The following BBX variants were observed in gnomAD, a reference collection of about 807,000 sequenced individuals.
BBX encodes the protein HMG box transcription factor BBX.
Under a neutral mutation model 100.2 loss-of-function variants are expected in BBX, and 30 were observed. The observed-to-expected ratio is 0.30, with a 90% CI of 0.22 to 0.41. The LOEUF (loss-of-function observed/expected upper bound fraction) is 0.41, where lower values mean the gene tolerates loss of function less well. BBX is among the 10% of genes least tolerant of loss of function. BBX has a pLI of 1.00. For synonymous variants in BBX, 376 were observed against 388.1 expected (o/e 0.97, Z 0.37); for missense variants, 1,023 against 1,129.8 (o/e 0.91, Z 1.35).
At chr3:107,648,371 T>G (rs1041495396) in intron 3 of BBX, among the ~76,000 whole-genome samples, 6 of 152,170 alleles carry the variant, frequency 3.9e-5, no homozygotes, top group Admixed American at 3.9e-4. Context: ...GAATAAAAAT[T>G]ACTGCAAACT....
chr3:107,799,711 T>C (rs1038050045), intron 16 of BBX, among the ~76,000 whole-genome samples: 1 of 152,212 alleles, frequency 6.6e-6, no homozygotes, highest in African/African-American at 2.4e-5. Flanking sequence ...CTGAGAATGC[T>C]TCTGGATTTC....
At position 107,808,891 on chromosome 3, in the gene BBX, G is replaced by T. The variant is rs1484405867; in HGVS notation, c.*3434G>T. ...TACCGATGCCATGTCCCAAAGCCAT[G>T]TTAAAATAATTCCCACGTTATCATT... On this transcript the variant is annotated 3_prime_UTR_variant, in exon 18 of 18. Coordinates refer to ENST00000325805, the MANE Select transcript of BBX (RefSeq NM_001142568.3). 6.6e-6 allele frequency: 1 copy of T among 152,208 alleles called. No individual in the cohort carries two copies. Among genetic ancestry groups the T allele is most frequent in the African/African-American group, 2.4e-5 (1 of 41,440 alleles). The allele number at this position is 152,208 out of a possible 1,614,324, so 9.4% of individuals were successfully genotyped here. A position where few individuals can be genotyped will look rare whatever the true frequency, so the allele number is the denominator to read the frequency against.
At position 107,801,360 on chromosome 3, in the gene BBX, CA is replaced by C; in HGVS notation, c.2738+80del. 5 of 1,491,184 alleles carry C rather than the reference CA, an allele frequency of 3.4e-6. No homozygotes were observed. In the Admixed American group the frequency reaches 1.0e-4, roughly 30 times the overall value. The allele number at this position is 1,491,184 out of a possible 1,614,324, so 92.4% of individuals were successfully genotyped here. Reference sequence around the variant, plus strand: ...TTGATGTGATTTGTGACATTTTTTACAGGGCATTGGGGTTCAAACTTGGTTC... The same window carrying C: ...TTGATGTGATTTGTGACATTTTTTACGGGCATTGGGGTTCAAACTTGGTTC... On this transcript the variant is annotated intron_variant, in intron 17 of 17. Transcript: ENST00000325805.
intron 2 of BBX, among the ~76,000 whole-genome samples, chr3:107,621,897 T>G (rs966322544): frequency 1.3e-5 from 2 of 152,164 alleles, no homozygotes; most frequent in African/African-American, 4.8e-5. Context: ...AGTAATTTGT[T>G]TTTCTAGGTT....
chr3:107,540,091 A>G (rs1438184029), intron 2 of BBX, among the ~76,000 whole-genome samples: 1 of 152,192 alleles, frequency 6.6e-6, no homozygotes, highest in African/African-American at 2.4e-5. Context: ...CCTGCCAAAT[A>G]GTAGGGATTC....
At position 107,808,538 on chromosome 3, in the gene BBX, A is replaced by G. The variant is rs893534553; in HGVS notation, c.*3081A>G. 1.3e-5 allele frequency: 2 copies of G among 152,124 alleles called. No homozygotes were observed. The highest frequency in any genetic ancestry group is 4.8e-5 in the African/African-American group (2 of 41,416). 9.4% of individuals were successfully genotyped at this position (152,124 alleles called of 1,614,324 possible). ...TATTTAGTTATTCTGGGTATTTCCT[A>G]TGTAATTTTGAAGTGTGTAGAGTAT... On this transcript the variant is annotated 3_prime_UTR_variant, in exon 18 of 18. Coordinates refer to ENST00000325805, the MANE Select transcript of BBX (RefSeq NM_001142568.3).
Position 107,809,564 on chromosome 3 carries a change from G to A in BBX, c.*4107G>A, listed in dbSNP as rs2071210595. 6.6e-6 allele frequency: 1 copy of A among 152,228 alleles called. No homozygotes were observed. Among genetic ancestry groups the A allele is most frequent in the Non-Finnish European group, 1.5e-5 (1 of 68,042 alleles). 9.4% of individuals were successfully genotyped at this position (152,228 alleles called of 1,614,324 possible). ...CGGCTTTAAAAGTTAATTTCAGTAA[G>A]TCCTGTTTCAAAAGTTTGTCTTTTT... On this transcript the variant is annotated 3_prime_UTR_variant, in exon 18 of 18. Coordinates refer to ENST00000325805, the MANE Select transcript of BBX (RefSeq NM_001142568.3).
intron 3 of BBX, among the ~76,000 whole-genome samples, chr3:107,694,637 G>A (rs2060444447): frequency 6.7e-6 from 1 of 149,504 alleles, no homozygotes; most frequent in Non-Finnish European, 1.5e-5. Flanking sequence ...GTTCATCAAG[G>A]ATATTGGTCT....
chr3:107,787,025 T>C (rs528279010), intron 13 of BBX, among the ~76,000 whole-genome samples: 138 of 152,252 alleles, frequency 9.1e-4, no homozygotes, highest in African/African-American at 3.2e-3. Context: ...ACGTGGCCGA[T>C]AAGTACAAGA....
intron 2 of BBX, among the ~76,000 whole-genome samples, chr3:107,547,681 C>G (rs974298829): frequency 2.6e-5 from 4 of 152,162 alleles, no homozygotes; most frequent in African/African-American, 9.7e-5. Context: ...CTTTGAAGAT[C>G]ATAACAAATA....
At chr3:107,534,708 A>G (rs768721444) in intron 2 of BBX, among the ~76,000 whole-genome samples, 11 of 152,228 alleles carry the variant, frequency 7.2e-5, no homozygotes, top group South Asian at 2.1e-4. Flanking sequence ...CTTGAGACTT[A>G]TACACATCCC....
chr3:107,793,548 T>C (rs2069279428), intron 15 of BBX, among the ~76,000 whole-genome samples: 1 of 152,158 alleles, frequency 6.6e-6, no homozygotes, highest in African/African-American at 2.4e-5. Context: ...CTTTGTGAGT[T>C]TTCTAGGCCT....
chr3:107,653,105 C>T (rs2057939688), intron 3 of BBX, among the ~76,000 whole-genome samples: 1 of 152,266 alleles, frequency 6.6e-6, no homozygotes, highest in Admixed American at 6.5e-5. Context: ...GGAAATTTTT[C>T]CCAGACTTCG....
intron 2 of BBX, among the ~76,000 whole-genome samples, chr3:107,578,319 G>A (rs938857866): frequency 6.6e-6 from 1 of 152,180 alleles, no homozygotes; most frequent in Non-Finnish European, 1.5e-5. Flanking sequence ...GCAACAGCAA[G>A]GAGCTACAGA....
At chr3:107,764,205 T>G (rs1212604308) in intron 10 of BBX, among the ~76,000 whole-genome samples, 1 of 152,146 alleles carries the variant, frequency 6.6e-6, no homozygotes, top group African/African-American at 2.4e-5. Context: ...TTAGTCAGGC[T>G]GGTCTCGAAC....
chr3:107,691,783 T>C (rs894366207), intron 3 of BBX, among the ~76,000 whole-genome samples: 1 of 152,240 alleles, frequency 6.6e-6, no homozygotes, highest in Non-Finnish European at 1.5e-5. Flanking sequence ...CCTACCTTTA[T>C]GTAATTTGTA....
At chr3:107,716,895 C>A in intron 5 of BBX, 46 bp downstream of exon 5, 1 of 1,590,172 alleles carries the variant, frequency 6.3e-7, no homozygotes, top group South Asian at 1.1e-5. Context: ...AGCAACCAGT[C>A]CTGAAACTCC....
chr3:107,537,051 G>A (rs1033205450), intron 2 of BBX, among the ~76,000 whole-genome samples: 4 of 152,178 alleles, frequency 2.6e-5, no homozygotes, highest in Admixed American at 2.0e-4. Context: ...GCATTATAGC[G>A]AATTTTTAAA....
chr3:107,749,874 TCCGC>T (rs2064938011), intron 9 of BBX, among the ~76,000 whole-genome samples: 1 of 152,106 alleles, frequency 6.6e-6, no homozygotes, highest in Non-Finnish European at 1.5e-5. Context: ...CCTCAGGTGA[TCCGC>T]CCGCCTCGGC....
Sources: allele counts gnomAD v4.1 joint callset (sites outside exome capture counted in the v4.1 genomes callset), GRCh38; gene constraint gnomAD v4.1.1; transcripts MANE v1.5; gene names NCBI Gene and HGNC (gene_info 2026-07-23, HGNC 2026-07-21).